PLIN4: variants seen among roughly 807,000 people sequenced by gnomAD.
PLIN4 encodes the protein perilipin-4.
A neutral mutation model predicts 52.4 loss-of-function variants in PLIN4; 57 were observed. That is an observed-to-expected ratio of 1.09 (90% confidence interval 0.88 to 1.36). The LOEUF (loss-of-function observed/expected upper bound fraction) is 1.36. Among genes scored for constraint, PLIN4 ranks in the 40% most tolerant of loss-of-function variants. The pLI is 0.00. For missense variants in PLIN4, 1,757 were observed against 1,770.3 expected (o/e 0.99, Z 0.13); for synonymous variants, 826 against 785.4 (o/e 1.05, Z -0.86).
Position 4,504,772 on chromosome 19 carries a change from C to T in PLIN4, c.3803G>A (p.Gly1268Glu), listed in dbSNP as rs1331479868. 1 of 1,599,692 alleles carries T rather than the reference C, an allele frequency of 6.3e-7. No individual in the cohort carries two copies. The highest frequency in any genetic ancestry group is 8.5e-7 in the Non-Finnish European group (1 of 1,172,032). ...DAAVQEERDAGVLSRVCGLLR... is the reference protein window; with the variant it reads ...DAAVQEERDAEVLSRVCGLLR... ...AAGGCCGCAGACCCTGGACAGAACC[C>T]CGGCATCCCGCTCCTGTGGGAGGAA... The change falls in exon 8 of 8, where the codon GGG (glycine) becomes GAG (glutamate). Residue 1268 changes from glycine (G) to glutamate (E), a missense_variant. Physicochemically the swap from Gly to Glu is moderately conservative, Grantham distance 98. Around this residue, in one of 7 missense-constraint regions of PLIN4, gnomAD observed 712 missense variants for 637.1 expected, o/e 1.12. Transcript: ENST00000301286.
Position 4,504,610 on chromosome 19 carries a change from A to ACCCTCAG in PLIN4, c.3964_3965insCTGAGGG (p.Val1322AlafsTer90), listed in dbSNP as rs1976029990. ...CAGCCGCTCTGCGGGCAGCTCCTCT[A>ACCCTCAG]CAGAGCCAGCTGAGGCCACGATGCC... is the stretch of plus-strand genomic sequence containing the variant. On this transcript the variant is annotated frameshift_variant, in exon 8 of 8. Transcript: ENST00000301286. LOFTEE classifies it low-confidence loss of function (END_TRUNC). 12 of 1,604,258 alleles carry ACCCTCAG rather than the reference A, an allele frequency of 7.5e-6. No homozygotes were observed. The highest frequency in any genetic ancestry group is 1.0e-5 in the Non-Finnish European group (12 of 1,177,960).
rs1282006875 is a variant in PLIN4 at position 4,503,994 on chromosome 19, T to G, written c.*465A>C. On this transcript the variant is annotated 3_prime_UTR_variant, in exon 8 of 8. Coordinates refer to ENST00000301286, the MANE Select transcript of PLIN4 (RefSeq NM_001367868.2). ...CCCACTTTCAGCATGAGAACGGAGC[T>G]GCCCGGAGCCTGGGATGCCACAGCA... 1 of 156,728 alleles carries G rather than the reference T, an allele frequency of 6.4e-6. No individual in the cohort carries two copies. Among genetic ancestry groups the G allele is most frequent in the Non-Finnish European group, 1.4e-5 (1 of 71,436 alleles). 9.7% of individuals were successfully genotyped at this position (156,728 alleles called of 1,614,324 possible). A position where few individuals can be genotyped will look rare whatever the true frequency, so the allele number is the denominator to read the frequency against.
chr19:4,506,937 C>G (rs1216803059), intron 6 of PLIN4, among the ~76,000 whole-genome samples: 1 of 152,226 alleles, frequency 6.6e-6, no homozygotes, highest in Non-Finnish European at 1.5e-5. Flanking sequence ...GTCCCTAGGA[C>G]AGACTTGCCC....
In PLIN4 at chr19:4,508,985, G is replaced by A. The variant is rs766872551; in HGVS notation, c.3515-30C>T. 3.3e-5 allele frequency: 52 copies of A among 1,589,294 alleles called. No homozygotes were observed. The African/African-American group carries it at 4.4e-4, about 14-fold the overall frequency. On this transcript the variant is annotated intron_variant, in intron 5 of 7. Transcript: ENST00000301286. The stretch of plus-strand genomic sequence containing the variant: ...AAAGGAAGGCGCACCGCTCAGTCCC[G>A]GAAGCCCCTCAGGGCATCAGGGCTT...
chr19:4,513,121 T>C lies in PLIN4; in HGVS notation c.839A>G (p.Asn280Ser). Reference protein sequence around the residue: ...TVCSGVTGAMNVAKGTIQTGV... With the variant: ...TVCSGVTGAMSVAKGTIQTGV... ...GGTCTGGATGGTTCCTTTGGCCACA[T>C]TCATGGCACCAGTCACCCCACTACA... The change falls in exon 5 of 8, where the codon AAT becomes AGT. Residue 280 changes from asparagine to serine, a missense_variant. Around this residue, in one of 7 missense-constraint regions of PLIN4, gnomAD observed 99 missense variants for 143.4 expected, o/e 0.69. Coordinates refer to ENST00000301286, the MANE Select transcript of PLIN4 (RefSeq NM_001367868.2). The C allele has an allele frequency of 1.4e-6, 1 of 732,722 alleles. No individual in the cohort carries two copies. The highest frequency in any genetic ancestry group is 2.5e-6 in the Non-Finnish European group (1 of 400,858). 45.4% of individuals were successfully genotyped at this position (732,722 alleles called of 1,614,324 possible). A position where few individuals can be genotyped will look rare whatever the true frequency, so the allele number is the denominator to read the frequency against.
Position 4,504,602 on chromosome 19 carries a change from GCTC to G in PLIN4, c.3970_3972del (p.Glu1324del). ...CTCTGCACCAGCCGCTCTGCGGGCA[GCTC>G]CTCTACAGAGCCAGCTGAGGCCACG... On this transcript the variant is annotated inframe_deletion, in exon 8 of 8. Coordinates refer to ENST00000301286, the MANE Select transcript of PLIN4 (RefSeq NM_001367868.2). 2.5e-6 allele frequency: 4 copies of G among 1,604,244 alleles called. No individual in the cohort carries two copies. The highest frequency in any genetic ancestry group is 1.1e-5 in the South Asian group (1 of 90,178).
chr19:4,517,551 C>T lies in PLIN4; in HGVS notation c.196+3G>A. Reference sequence around the variant, plus strand: ...CACGCCCCCAGCTGGGCCAGCCACTCACCCTGAGCCTGTGGTTGGGCAGCC... The same window carrying T: ...CACGCCCCCAGCTGGGCCAGCCACTTACCCTGAGCCTGTGGTTGGGCAGCC... On this transcript the variant is annotated splice_donor_region_variant and intron_variant, in intron 3 of 7. Coordinates refer to ENST00000301286, the MANE Select transcript of PLIN4 (RefSeq NM_001367868.2). 1 of 1,604,504 alleles carries T rather than the reference C, an allele frequency of 6.2e-7. No homozygotes were observed. The highest frequency in any genetic ancestry group is 8.5e-7 in the Non-Finnish European group (1 of 1,175,168).
intron 6 of PLIN4, 130 bp downstream of exon 6, chr19:4,508,638 C>T: frequency 1.9e-6 from 2 of 1,060,268 alleles, no homozygotes; most frequent in Non-Finnish European, 1.3e-6. Flanking sequence ...GAGTACAGAG[C>T]CATGACCATT....
Position 4,517,660 on chromosome 19 carries a change from G to T in PLIN4, c.90C>A (p.Ser30Arg). The T allele has an allele frequency of 6.2e-7, 1 of 1,603,794 alleles. No homozygotes were observed. The highest frequency in any genetic ancestry group is 1.7e-5 in the Admixed American group (1 of 58,626). The change falls in exon 3 of 8, where the codon AGC becomes AGA. Residue 30 changes from serine to arginine, a missense_variant. Physicochemically the swap from Ser to Arg is moderately radical, Grantham distance 110. This residue lies in a region of PLIN4 where 332 missense variants were observed against 310.8 expected (regional missense o/e 1.07). Coordinates refer to ENST00000301286, the MANE Select transcript of PLIN4 (RefSeq NM_001367868.2). ...GSFFGSLPGF[S>R]SARNLVANAH... ...CGTTGGCCACCAGGTTCCGGGCAGAGCTGAAGCCAGGCAGGGACCCAAAGA... is the reference window on the plus strand; with the variant it reads ...CGTTGGCCACCAGGTTCCGGGCAGATCTGAAGCCAGGCAGGGACCCAAAGA...
At position 4,513,138 on chromosome 19, in the gene PLIN4, C is replaced by G. The variant is rs769503607; in HGVS notation, c.822G>C (p.Gly274=). 6.3e-7 allele frequency: 1 copy of G among 1,589,344 alleles called. No homozygotes were observed. Among genetic ancestry groups the G allele is most frequent in the South Asian group, 1.1e-5 (1 of 90,484 alleles). ...TGGCCACATTCATGGCACCAGTCACCCCACTACAGACGGTGTCCTTGGTAC... is the reference window on the plus strand; with the variant it reads ...TGGCCACATTCATGGCACCAGTCACGCCACTACAGACGGTGTCCTTGGTAC... The part of the protein sequence containing the change: ...LTGTKDTVCS[G]VTGAMNVAKG... Residue 274 remains glycine, a synonymous_variant, in exon 5 of 8, where the codon GGG becomes GGC. Coordinates refer to ENST00000301286, the MANE Select transcript of PLIN4 (RefSeq NM_001367868.2).
In PLIN4 at chr19:4,502,612, C is replaced by G. The variant is rs1026859254; in HGVS notation, c.*1847G>C. 3 of 202,576 alleles carry G rather than the reference C, an allele frequency of 1.5e-5. No individual in the cohort carries two copies. Among genetic ancestry groups the G allele is most frequent in the African/African-American group, 7.2e-5 (3 of 41,690 alleles). 12.5% of individuals were successfully genotyped at this position (202,576 alleles called of 1,614,324 possible). On this transcript the variant is annotated 3_prime_UTR_variant, in exon 8 of 8. Coordinates refer to ENST00000301286, the MANE Select transcript of PLIN4 (RefSeq NM_001367868.2). The stretch of plus-strand genomic sequence containing the variant: ...ACCAGGCCTTCCCTGAGAGCCGCTG[C>G]TAGCCGACAGTGGTCTCCAGCGTTC...
Position 4,510,372 on chromosome 19 carries a change from A to C in PLIN4, c.3514+74T>G, listed in dbSNP as rs541271649. The C allele has an allele frequency of 6.1e-5, 80 of 1,303,938 alleles. 1 individual carries two copies. The South Asian group carries it at 2.2e-3, about 36-fold the overall frequency. The allele number at this position is 1,303,938 out of a possible 1,614,324, so 80.8% of individuals were successfully genotyped here. On this transcript the variant is annotated intron_variant, in intron 5 of 7. Coordinates refer to ENST00000301286, the MANE Select transcript of PLIN4 (RefSeq NM_001367868.2). ...CAGAGCACGACTCTGTCTCAAAAAA[A>C]AAAACAAAACAGTCAAGGACCTGCT...
Position 4,510,911 on chromosome 19 carries a change from C to A in PLIN4, c.3049G>T (p.Asp1017Tyr). ...CCGGTCAGCACTGTCTTGGTGGTGT[C>A]CAGGCCCCCCTGGACGGCCCCTTTG... ...MAKGAVQGGL[D>Y]TTKTVLTGTK... Residue 1017 changes from aspartate to tyrosine, a missense_variant, in exon 5 of 8, where the codon GAC (aspartate) becomes TAC (tyrosine). Physicochemically the swap from Asp to Tyr is radical, Grantham distance 160. This residue lies in a region of PLIN4 where 712 missense variants were observed against 637.1 expected (regional missense o/e 1.12). Coordinates refer to ENST00000301286, the MANE Select transcript of PLIN4 (RefSeq NM_001367868.2). 1.2e-6 allele frequency: 2 copies of A among 1,613,660 alleles called. No individual in the cohort carries two copies. The highest frequency in any genetic ancestry group is 2.2e-5 in the South Asian group (2 of 91,090).
chr19:4,516,699 CAGGGAGAGTG>C, intron 3 of PLIN4, 21 bp from the exon 4 acceptor site: 2 of 1,573,916 alleles, frequency 1.3e-6, no homozygotes, highest in Non-Finnish European at 1.7e-6. Context: ...AGGGGCCGGT[CAGGGAGAGTG>C]AGGGATGCAG....
chr19:4,506,065 C>T (rs1210227263), intron 6 of PLIN4, among the ~76,000 whole-genome samples: 3 of 152,142 alleles, frequency 2.0e-5, no homozygotes, highest in African/African-American at 7.2e-5. Flanking sequence ...GGTTTACGTC[C>T]CACTGTCTCC....
At chr19:4,514,813 T>C (rs1052127357) in intron 4 of PLIN4, among the ~76,000 whole-genome samples, 4 of 151,482 alleles carry the variant, frequency 2.6e-5, no homozygotes, top group African/African-American at 9.7e-5. Flanking sequence ...TATGGGTGGC[T>C]AAGGCAGGAG....
At chr19:4,506,049 T>TG (rs1649999633) in intron 6 of PLIN4, among the ~76,000 whole-genome samples, 1 of 152,104 alleles carries the variant, frequency 6.6e-6, no homozygotes, top group African/African-American at 2.4e-5. Context: ...CGGCAGCACT[T>TG]GCCTGGGTTT....
At chr19:4,506,349 G>C (rs1976093292) in intron 6 of PLIN4, among the ~76,000 whole-genome samples, 1 of 152,154 alleles carries the variant, frequency 6.6e-6, no homozygotes, top group Non-Finnish European at 1.5e-5. Context: ...TCACACTCCT[G>C]CCCATTCTGA....
intron 4 of PLIN4, 70 bp downstream of exon 4, chr19:4,516,547 T>A (rs150532990): frequency 6.6e-7 from 1 of 1,519,602 alleles, no homozygotes; most frequent in Non-Finnish European, 8.9e-7. Context: ...TAGCAGGAAC[T>A]GAAATGTCGC....
Sources: gnomAD v4.1 joint callset for allele counts (sites outside exome capture counted in the v4.1 genomes callset) on GRCh38, gnomAD v4.1.1 for gene constraint, gnomAD v4.1.1 regional missense constraint, MANE v1.5 for transcripts, NCBI Gene and HGNC (gene_info 2026-07-23, HGNC 2026-07-21) for gene names.